The following ADAM18 variants were observed in gnomAD, a reference collection of about 807,000 sequenced individuals.
ADAM18 encodes ADAM metallopeptidase domain 18, also known as disintegrin and metalloproteinase domain-containing protein 18.
Under a neutral mutation model 94.4 loss-of-function variants are expected in ADAM18, and 117 were observed. That is an observed-to-expected ratio of 1.24 (90% CI 1.07 to 1.45). ADAM18 has a LOEUF of 1.45. Among genes scored for constraint, ADAM18 ranks in the 40% most tolerant of loss-of-function variants. The probability of loss-of-function intolerance (pLI) is 0.00; values close to 1 mark genes in which losing one functional copy is unlikely to be tolerated. For synonymous variants in ADAM18, 327 were observed against 291.6 expected (o/e 1.12, Z -1.24); for missense variants, 936 against 880.0 (o/e 1.06, Z -0.81).
intron 4 of ADAM18, 32 bp downstream of exon 4, chr8:39,609,152 A>C (rs759485298): frequency 7.4e-7 from 1 of 1,360,298 alleles, no homozygotes; most frequent in East Asian, 2.3e-5. Context: ...TTTTTGTTAA[A>C]GTGGTTATAT....
At chr8:39,610,062 T>C (rs1426577253) in intron 5 of ADAM18, among the ~76,000 whole-genome samples, 4 of 152,120 alleles carry the variant, frequency 2.6e-5, no homozygotes, top group Admixed American at 6.6e-5. Flanking sequence ...AAATGCTCCC[T>C]CTAACTTTCC....
At chr8:39,710,741 G>A (rs191380072) in intron 18 of ADAM18, among the ~76,000 whole-genome samples, 79 of 152,298 alleles carry the variant, frequency 5.2e-4, no homozygotes, top group African/African-American at 1.9e-3. Flanking sequence ...TGGCAGTTAT[G>A]TTGTCAGGAG....
intron 2 of ADAM18, among the ~76,000 whole-genome samples, chr8:39,586,755 A>ACTATCTATCTAT (rs35604090): frequency 1.1e-3 from 167 of 147,538 alleles, no homozygotes; most frequent in Admixed American, 3.0e-3. Flanking sequence ...CAAACAAAAA[A>ACTATCTATCTAT]CTATCTATCT....
chr8:39,586,539 T>C (rs888629422), intron 2 of ADAM18, among the ~76,000 whole-genome samples: 1 of 152,106 alleles, frequency 6.6e-6, no homozygotes, highest in Non-Finnish European at 1.5e-5. Context: ...TGAGGCTGGC[T>C]TGGGCAAGTT....
At chr8:39,585,249 A>G (rs781091289) in intron 1 of ADAM18, 27 bp from the exon 2 acceptor site, 2 of 1,594,614 alleles carry the variant, frequency 1.3e-6, no homozygotes, top group Non-Finnish European at 8.6e-7. Context: ...AAACAAAGAC[A>G]AAAACAAACA....
In ADAM18 at chr8:39,661,319, A is replaced by ATTTT. The variant is rs71518171; in HGVS notation, c.1231-2451_1231-2448dup. Among the ~76,000 whole-genome samples, 195 of 112,796 alleles carry ATTTT rather than the reference A, an allele frequency of 1.7e-3. 12 individuals are homozygous for ATTTT. Among genetic ancestry groups the ATTTT allele is most frequent in the African/African-American group, 7.2e-3 (175 of 24,256 alleles). The allele number at this position is 112,796 out of a possible 152,430, so 74.0% of individuals were successfully genotyped here. A position where few individuals can be genotyped will look rare whatever the true frequency, so the allele number is the denominator to read the frequency against. The stretch of plus-strand genomic sequence containing the variant: ...AGGCGCCCACCACCACACCCGGCAA[A>ATTTT]TTTTTTTTTTTTTTTTTTTTTTTTT... On this transcript the variant is annotated intron_variant, in intron 12 of 19. Coordinates refer to ENST00000265707, the MANE Select transcript of ADAM18 (RefSeq NM_014237.3).
Position 39,715,085 on chromosome 8 carries a change from A to G in ADAM18, c.2017+8181A>G, listed in dbSNP as rs185364807. 1.9e-3 allele frequency among the ~76,000 whole-genome samples: 291 copies of G among 152,204 alleles called. 3 individuals carry two copies. Among genetic ancestry groups the G allele is most frequent in the African/African-American group, 6.5e-3 (268 of 41,548 alleles). The stretch of plus-strand genomic sequence containing the variant: ...TGTAGATCAAATTCTTTGTCTTACA[A>G]TGTACCTTAACAAGCCTAAGCAATG... On this transcript the variant is annotated intron_variant, in intron 18 of 19. Coordinates refer to ENST00000265707, the MANE Select transcript of ADAM18 (RefSeq NM_014237.3).
intron 1 of ADAM18, 151 bp downstream of exon 1, chr8:39,584,828 C>T (rs549405018): frequency 3.2e-5 from 30 of 924,508 alleles, no homozygotes; most frequent in Admixed American, 2.2e-4. Context: ...CACCTTTCCA[C>T]GCCAGGCCAG....
chr8:39,632,726 G>T (rs1438735069), intron 7 of ADAM18, among the ~76,000 whole-genome samples: 3 of 152,000 alleles, frequency 2.0e-5, no homozygotes, highest in Non-Finnish European at 4.4e-5. Flanking sequence ...GATATTATGA[G>T]TATGACCCCT....
chr8:39,707,963 T>G (rs1822287466), intron 18 of ADAM18, among the ~76,000 whole-genome samples: 1 of 152,172 alleles, frequency 6.6e-6, no homozygotes, highest in East Asian at 1.9e-4. Context: ...AACAAAGCAC[T>G]GTAACGGCGT....
chr8:39,693,396 A>G (rs1350631127), intron 17 of ADAM18, among the ~76,000 whole-genome samples: 1 of 151,284 alleles, frequency 6.6e-6, no homozygotes, highest in East Asian at 1.9e-4. Context: ...CCACATTTTA[A>G]TGTTTTTTTT....
In ADAM18 at chr8:39,667,129, C is replaced by T. The variant is rs184486656; in HGVS notation, c.1327-869C>T. ...AGGTGTGGTGGCTCAAGACTTGGCG[C>T]GGTGGCTCATGCCTGTAATCCCAGC... On this transcript the variant is annotated intron_variant, in intron 13 of 19. Coordinates refer to ENST00000265707, the MANE Select transcript of ADAM18 (RefSeq NM_014237.3). Among the ~76,000 whole-genome samples the T allele has an allele frequency of 9.1e-4, 138 of 152,076 alleles. 2 individuals carry two copies. The East Asian group carries it at 0.013, about 14-fold the overall frequency.
chr8:39,604,141 G>A (rs1190923456), intron 2 of ADAM18, among the ~76,000 whole-genome samples: 1 of 152,094 alleles, frequency 6.6e-6, no homozygotes, highest in African/African-American at 2.4e-5. Flanking sequence ...TCTCTGCCAG[G>A]CTCTTACACT....
At chr8:39,660,412 T>G (rs1490184880) in intron 12 of ADAM18, among the ~76,000 whole-genome samples, 1 of 152,172 alleles carries the variant, frequency 6.6e-6, no homozygotes, top group Non-Finnish European at 1.5e-5. Flanking sequence ...CAAGACTATA[T>G]TTCATGCACA....
At chr8:39,700,788 G>T (rs561070386) in intron 17 of ADAM18, among the ~76,000 whole-genome samples, 6 of 152,002 alleles carry the variant, frequency 3.9e-5, no homozygotes, top group South Asian at 4.2e-4. Context: ...GTTCATATAA[G>T]ACTTAGAATA....
chr8:39,639,700 C>T (rs1820181693), intron 10 of ADAM18, among the ~76,000 whole-genome samples: 1 of 151,918 alleles, frequency 6.6e-6, no homozygotes, highest in South Asian at 2.1e-4. Context: ...TTTTGTTCTT[C>T]CTAAATTTAA....
At chr8:39,714,911 C>A (rs1437744280) in intron 18 of ADAM18, among the ~76,000 whole-genome samples, 2 of 152,046 alleles carry the variant, frequency 1.3e-5, no homozygotes, top group Non-Finnish European at 2.9e-5. Flanking sequence ...CAAGAACTTG[C>A]AGACAGACAA....
chr8:39,729,494 C>A (rs1002871326), intron 19 of ADAM18, among the ~76,000 whole-genome samples: 2 of 152,032 alleles, frequency 1.3e-5, no homozygotes, highest in Non-Finnish European at 1.5e-5. Context: ...AAAGACTAAC[C>A]TTTTATTTTG....
At chr8:39,682,560 A>G (rs1821493519) in intron 16 of ADAM18, among the ~76,000 whole-genome samples, 1 of 152,168 alleles carries the variant, frequency 6.6e-6, no homozygotes, top group African/African-American at 2.4e-5. Flanking sequence ...TTGAAACCCA[A>G]ACAAGGAACT....
Sources: allele counts gnomAD v4.1 joint callset (sites outside exome capture counted in the v4.1 genomes callset), GRCh38; gene constraint gnomAD v4.1.1; transcripts MANE v1.5; gene names NCBI Gene and HGNC (gene_info 2026-07-23, HGNC 2026-07-21).